The following HSPA12A variants were observed in gnomAD, a reference collection of about 807,000 sequenced individuals.
HSPA12A encodes the protein heat shock 70 kDa protein 12A.
A neutral mutation model predicts 69.2 loss-of-function variants in HSPA12A; 28 were observed. That is an observed-to-expected ratio of 0.40 (90% CI 0.30 to 0.55). HSPA12A has a LOEUF of 0.55. Among genes scored for constraint, HSPA12A ranks in the 20% least tolerant of loss-of-function variants. HSPA12A has a pLI of 0.38. For synonymous variants in HSPA12A, 345 were observed against 370.5 expected (o/e 0.93, Z 0.79); for missense variants, 686 against 900.7 (o/e 0.76, Z 3.05).
intron 9 of HSPA12A, among the ~76,000 whole-genome samples, chr10:116,680,880 T>C (rs1849382151): frequency 6.6e-6 from 1 of 152,238 alleles, no homozygotes; most frequent in Admixed American, 6.5e-5. Flanking sequence ...AATCTCATCC[T>C]TTCGGAATTT....
rs150530462 is a variant in HSPA12A, at chr10:116,691,822, C to T, written c.663+529G>A. ...GCCACTGCCCTCTGCAGGGGTCTGC[C>T]ACCTCCAACACCCCCCCGCTGAGTG... On this transcript the variant is annotated intron_variant, in intron 6 of 11. Transcript: ENST00000369209. Among the ~76,000 whole-genome samples, 227 of 152,360 alleles carry T rather than the reference C, an allele frequency of 1.5e-3. 1 individual carries two copies. Among genetic ancestry groups the T allele is most frequent in the African/African-American group, 5.4e-3 (224 of 41,592 alleles).
At chr10:116,696,650 A>C (rs993146413) in intron 5 of HSPA12A, among the ~76,000 whole-genome samples, 11 of 152,062 alleles carry the variant, frequency 7.2e-5, no homozygotes, top group Non-Finnish European at 1.0e-4. Flanking sequence ...TGGCCACGTC[A>C]CTCATTCCCC....
In HSPA12A at chr10:116,829,378, T is replaced by C. The variant is rs527944860; in HGVS notation, c.91+5557A>G. ...TTACCCAGTCTTTTGTATGTCTTTA[T>C]TAGCAGCGCGAGAACAGACTAATGG... On this transcript the variant is annotated intron_variant, in intron 2 of 12. Transcript: ENST00000635765. 3 of 152,774 alleles carry C rather than the reference T, an allele frequency of 2.0e-5. No individual in the cohort carries two copies. In the South Asian group the frequency reaches 6.2e-4, roughly 32 times the overall value. The allele number at this position is 152,774 out of a possible 1,614,324, so 9.5% of individuals were successfully genotyped here. A position where few individuals can be genotyped will look rare whatever the true frequency, so the allele number is the denominator to read the frequency against.
At chr10:116,774,469 G>T (rs892415670) in intron 2 of HSPA12A, among the ~76,000 whole-genome samples, 1 of 152,102 alleles carries the variant, frequency 6.6e-6, no homozygotes, top group African/African-American at 2.4e-5. Context: ...AGGCCCCAAG[G>T]CAGATCTACT....
rs1289116016 is a variant in HSPA12A, at chr10:116,675,065, C to A, written c.1744G>T (p.Glu582Ter). Residue 582 changes from glutamate to a stop codon, truncating the protein, a stop_gained, in exon 12 of 12, where the codon GAG becomes TAG. Transcript: ENST00000369209. LOFTEE classifies it high-confidence loss of function. The surrounding 1 kb of genome is among the most constrained non-coding windows in gnomAD (Gnocchi z 5.2). ...ISADQSVALGELVKRSYTPAK... is the reference protein window; with the variant it reads ...ISADQSVALG The stretch of plus-strand genomic sequence containing the variant: ...GGGGTGTAGCTACGCTTGACCAGCT[C>A]ACCCAGAGCCACAGACTGGTCGGCA... 2 of 1,613,896 alleles carry A rather than the reference C, an allele frequency of 1.2e-6. No homozygotes were observed. Among genetic ancestry groups the A allele is most frequent in the Non-Finnish European group, 1.7e-6 (2 of 1,180,026 alleles).
chr10:116,751,482 A>C (rs1191224552), intron 2 of HSPA12A, among the ~76,000 whole-genome samples: 3 of 152,208 alleles, frequency 2.0e-5, no homozygotes, highest in African/African-American at 7.2e-5. Context: ...TTAGATTTCC[A>C]TTACTTGTTT....
At chr10:116,740,330 C>A (rs1554886885) in intron 1 of HSPA12A, among the ~76,000 whole-genome samples, 1 of 152,306 alleles carries the variant, frequency 6.6e-6, no homozygotes, top group Admixed American at 6.5e-5. Context: ...AATGAGGAAA[C>A]CTTAGAAATA....
At chr10:116,696,002 C>CAAAACAAAAAAAAA (rs1849887531) in intron 5 of HSPA12A, among the ~76,000 whole-genome samples, 1 of 32,714 alleles carries the variant, frequency 3.1e-5, no homozygotes, top group Non-Finnish European at 5.0e-5. Flanking sequence ...GACTCCATCT[C>CAAAACAAAAAAAAA]AAAAAAAAAA....
chr10:116,737,568 G>T (rs1459450057), intron 1 of HSPA12A, among the ~76,000 whole-genome samples: 2 of 152,208 alleles, frequency 1.3e-5, no homozygotes, highest in Non-Finnish European at 2.9e-5. Context: ...GAAGGTGAAA[G>T]ATATCATTAT....
chr10:116,770,979 T>G (rs1293929079), intron 2 of HSPA12A, among the ~76,000 whole-genome samples: 1 of 140,526 alleles, frequency 7.1e-6, no homozygotes, highest in Non-Finnish European at 1.5e-5. Context: ...GGCAGTGGAC[T>G]GCAGGGTTGG....
At chr10:116,801,377 C>G (rs1844951492) in intron 2 of HSPA12A, among the ~76,000 whole-genome samples, 1 of 152,212 alleles carries the variant, frequency 6.6e-6, no homozygotes. Flanking sequence ...ACGCTGCAAA[C>G]TGAAAGCTCA....
At chr10:116,825,993 G>A (rs1387540970) in intron 2 of HSPA12A, among the ~76,000 whole-genome samples, 1 of 152,200 alleles carries the variant, frequency 6.6e-6, no homozygotes, top group Non-Finnish European at 1.5e-5. Flanking sequence ...GGCTTCCGGG[G>A]AGAAGCCACC....
chr10:116,847,146 A>G (rs1407288115), intron 1 of HSPA12A, among the ~76,000 whole-genome samples: 1 of 152,190 alleles, frequency 6.6e-6, no homozygotes, highest in Admixed American at 6.5e-5. Context: ...TATCGCCTCC[A>G]TCAAAACCAG....
chr10:116,685,627 C>T (rs1849556302), intron 6 of HSPA12A, among the ~76,000 whole-genome samples: 1 of 148,094 alleles, frequency 6.8e-6, no homozygotes, highest in Non-Finnish European at 1.5e-5. Context: ...AAGAGTGAAA[C>T]TCCATCTCAA....
At position 116,673,972 on chromosome 10, in the gene HSPA12A, A is replaced by G. The variant is rs1450319585; in HGVS notation, c.*809T>C. The G allele has an allele frequency of 6.6e-6, 1 of 152,228 alleles. No homozygotes were observed. The highest frequency in any genetic ancestry group is 1.5e-5 in the Non-Finnish European group (1 of 68,040). 9.4% of individuals were successfully genotyped at this position (152,228 alleles called of 1,614,324 possible). A position where few individuals can be genotyped will look rare whatever the true frequency, so the allele number is the denominator to read the frequency against. On this transcript the variant is annotated 3_prime_UTR_variant, in exon 12 of 12. Transcript: ENST00000369209. ...CCCAGAATTCCTACTAAGGTTCACT[A>G]GAATTACTTATGAACTCAGAAATCA...
In HSPA12A at chr10:116,681,379, T is replaced by G. The variant is rs1039916162; in HGVS notation, c.923-123A>C. 18 of 731,326 alleles carry G rather than the reference T, an allele frequency of 2.5e-5. No individual in the cohort carries two copies. In the South Asian group the frequency reaches 2.8e-4, roughly 11 times the overall value. The allele number at this position is 731,326 out of a possible 1,614,324, so 45.3% of individuals were successfully genotyped here. A position where few individuals can be genotyped will look rare whatever the true frequency, so the allele number is the denominator to read the frequency against. ...CAAAACTTCTCATTAGCACAATGGT[T>G]TTGCTAATTAGCAGCTCTAGGAGTT... is the stretch of plus-strand genomic sequence containing the variant. On this transcript the variant is annotated intron_variant, in intron 8 of 11. Transcript: ENST00000369209.
intron 9 of HSPA12A, among the ~76,000 whole-genome samples, chr10:116,680,885 G>C (rs1425587788): frequency 2.0e-5 from 3 of 152,230 alleles, no homozygotes; most frequent in African/African-American, 7.2e-5. Flanking sequence ...CATCCTTTCG[G>C]AATTTTCAGA....
intron 1 of HSPA12A, among the ~76,000 whole-genome samples, chr10:116,725,620 G>A (rs573372517): frequency 1.3e-5 from 2 of 152,138 alleles, no homozygotes; most frequent in East Asian, 3.9e-4. Context: ...GGAGAGATGT[G>A]AGGACTGAGG....
intron 1 of HSPA12A, among the ~76,000 whole-genome samples, chr10:116,843,696 T>C (rs1845837582): frequency 1.3e-5 from 2 of 152,188 alleles, no homozygotes; most frequent in South Asian, 4.1e-4. Flanking sequence ...ACCTAATCCA[T>C]GGAGAAATCT....
Sources: gnomAD v4.1 joint callset for allele counts (sites outside exome capture counted in the v4.1 genomes callset) on GRCh38, gnomAD v4.1.1 for gene constraint, Gnocchi (gnomAD v3.1) non-coding constraint, MANE v1.5 for transcripts, NCBI Gene and HGNC (gene_info 2026-07-23, HGNC 2026-07-21) for gene names.